Variants in EIF4ENIF1 observed in about 807,000 individuals in gnomAD.
EIF4ENIF1 encodes the protein eukaryotic translation initiation factor 4E transporter.
Under a neutral mutation model 110.5 loss-of-function variants are expected in EIF4ENIF1, and 23 were observed. The observed-to-expected ratio is 0.21, with a 90% CI of 0.15 to 0.29. The LOEUF (loss-of-function observed/expected upper bound fraction) is 0.29, where lower values mean the gene tolerates loss of function less well. Ranked by LOEUF, EIF4ENIF1 falls within the 10% of genes least tolerant of loss-of-function variation. EIF4ENIF1 has a pLI of 1.00. For synonymous variants in EIF4ENIF1, 440 were observed against 437.0 expected, an observed-to-expected ratio of 1.01 and a Z score of -0.09; for missense variants, 1,031 against 1,221.1, an observed-to-expected ratio of 0.84 and a Z score of 2.32.
At chr22:31,451,664 CTTT>C (rs554930183) in intron 10 of EIF4ENIF1, among the ~76,000 whole-genome samples, 13 of 139,372 alleles carry the variant, frequency 9.3e-5, no homozygotes, top group Non-Finnish European at 7.9e-5. Context: ...GTAGTGGTTA[CTTT>C]TTTTTTTTTT....
chr22:31,477,577 C>T (rs2051637352), intron 2 of EIF4ENIF1, among the ~76,000 whole-genome samples: 1 of 152,138 alleles, frequency 6.6e-6, no homozygotes, highest in South Asian at 2.1e-4. Context: ...GCTTAGCATA[C>T]ATAGGTGTGA....
chr22:31,463,555 G>A, intron 5 of EIF4ENIF1, 126 bp downstream of exon 5: 1 of 922,828 alleles, frequency 1.1e-6, no homozygotes, highest in Non-Finnish European at 1.6e-6. Context: ...GGTGGTGCGT[G>A]CCTATAATCC....
intron 11 of EIF4ENIF1, among the ~76,000 whole-genome samples, chr22:31,449,929 C>T (rs557844122): frequency 6.6e-6 from 1 of 152,164 alleles, no homozygotes; most frequent in African/African-American, 2.4e-5. Context: ...CAAGGTTTCA[C>T]CATGTTGGCC....
chr22:31,442,852 A>T, intron 16 of EIF4ENIF1, 110 bp downstream of exon 16: 2 of 1,371,472 alleles, frequency 1.5e-6, no homozygotes, highest in Non-Finnish European at 2.0e-6. Flanking sequence ...CAGAGAAGCT[A>T]GTGGTCTTGC....
downstream of EIF4ENIF1, chr22:31,439,275 A>T (rs2050222511): frequency 6.5e-6 from 1 of 152,914 alleles, no homozygotes; most frequent in Non-Finnish European, 1.5e-5. Context: ...GCACCACTGT[A>T]CTCCAGCCTG....
intron 4 of EIF4ENIF1, among the ~76,000 whole-genome samples, chr22:31,464,699 A>AAAAAATAT (rs1304121964): frequency 2.8e-4 from 11 of 39,122 alleles, no homozygotes; most frequent in South Asian, 8.6e-4. Flanking sequence ...AAAAAAAAAA[A>AAAAAATAT]ATATATATAT....
At chr22:31,468,506 T>C (rs1024262902) in intron 3 of EIF4ENIF1, among the ~76,000 whole-genome samples, 1 of 152,226 alleles carries the variant, frequency 6.6e-6, no homozygotes, top group Non-Finnish European at 1.5e-5. Context: ...GTGATTCTTC[T>C]GCCTCAGCCT....
intron 6 of EIF4ENIF1, 88 bp downstream of exon 6, chr22:31,462,844 A>T: frequency 7.1e-7 from 1 of 1,403,112 alleles, no homozygotes; most frequent in Non-Finnish European, 9.8e-7. Context: ...CGGCCTCCCA[A>T]AGTGTTGGGA....
chr22:31,449,824 G>A (rs769131989), intron 11 of EIF4ENIF1, among the ~76,000 whole-genome samples: 15 of 150,990 alleles, frequency 9.9e-5, no homozygotes, highest in Admixed American at 2.0e-4. Context: ...TCTGCCTACC[G>A]GGTTCAAGCG....
Position 31,449,385 on chromosome 22 carries a change from T to G in EIF4ENIF1, c.1731A>C (p.Ser577=). ...GTATTCTTGGGCGAAGGTAGTCAGCTGAGGCTGCTCGAGTTTGAAACACCT... is the reference window on the plus strand; with the variant it reads ...GTATTCTTGGGCGAAGGTAGTCAGCGGAGGCTGCTCGAGTTTGAAACACCT... ...LSQVFQTRAA[S]ADYLRPRIPS... The change falls in exon 12 of 19, where the codon TCA becomes TCC. Residue 577 remains serine (S), a synonymous_variant. Transcript: ENST00000330125. The G allele has an allele frequency of 1.9e-6, 3 of 1,614,180 alleles. No homozygotes were observed. The highest frequency in any genetic ancestry group is 2.5e-6 in the Non-Finnish European group (3 of 1,180,024).
chr22:31,487,026 T>C (rs1601664866), intron 2 of EIF4ENIF1, among the ~76,000 whole-genome samples: 2 of 151,272 alleles, frequency 1.3e-5, no homozygotes, highest in Admixed American at 1.3e-4. Context: ...GCAGAGGTGG[T>C]GCCATTGCAC....
Position 31,439,546 on chromosome 22 carries a change from C to T in EIF4ENIF1, c.*334G>A, listed in dbSNP as rs2050228306. On this transcript the variant is annotated 3_prime_UTR_variant, in exon 19 of 19. Transcript: ENST00000330125. ...ATACAAAAGTTGTTTATACACAGGT[C>T]TGTACATAAGGGTCTATACATTTAT... The T allele has an allele frequency of 3.7e-6, 1 of 271,904 alleles. No homozygotes were observed. The highest frequency in any genetic ancestry group is 7.0e-6 in the Non-Finnish European group (1 of 143,296). The allele number at this position is 271,904 out of a possible 1,614,324, so 16.8% of individuals were successfully genotyped here. A position where few individuals can be genotyped will look rare whatever the true frequency, so the allele number is the denominator to read the frequency against.
chr22:31,468,382 A>T (rs2051260613), intron 3 of EIF4ENIF1, 80 bp from the exon 4 acceptor site: 6 of 1,579,620 alleles, frequency 3.8e-6, no homozygotes, highest in Non-Finnish European at 5.2e-6. Flanking sequence ...CTCCTCAGCT[A>T]ATAGTTATGG....
At chr22:31,476,286 T>C (rs992098363) in intron 2 of EIF4ENIF1, among the ~76,000 whole-genome samples, 2 of 152,166 alleles carry the variant, frequency 1.3e-5, no homozygotes, top group African/African-American at 4.8e-5. Context: ...GGTGTTTTGT[T>C]TGAAACTTTT....
downstream of EIF4ENIF1, among the ~76,000 whole-genome samples, chr22:31,439,053 A>C (rs2145879182): frequency 6.6e-6 from 1 of 152,338 alleles, no homozygotes; most frequent in Admixed American, 6.5e-5. Flanking sequence ...TAACTTACTT[A>C]AACTTCAGAT....
intron 2 of EIF4ENIF1, among the ~76,000 whole-genome samples, chr22:31,479,084 A>AT (rs745430447): frequency 1.5e-3 from 216 of 144,294 alleles, no homozygotes; most frequent in East Asian, 1.6e-3. Flanking sequence ...CTCGAAAGAA[A>AT]TTTTTTTTTT....
In EIF4ENIF1 at chr22:31,468,228, C is replaced by A. The variant is rs2051254897; in HGVS notation, c.245G>T (p.Ser82Ile). 1 of 1,614,112 alleles carries A rather than the reference C, an allele frequency of 6.2e-7. No individual in the cohort carries two copies. Residue 82 changes from serine to isoleucine, a missense_variant, in exon 4 of 19, where the codon AGT becomes ATT. This residue lies in a region of EIF4ENIF1 where 704 missense variants were observed against 879.7 expected (regional missense o/e 0.80). Transcript: ENST00000330125. ...PASGRSSPVE[S>I]LKKELDTDRP... Reference sequence around the variant, plus strand: ...GTCTGTATCCAACTCTTTCTTCAGACTTTCCACTGGTGAGCTCCGCCCTGA... The same window carrying A: ...GTCTGTATCCAACTCTTTCTTCAGAATTTCCACTGGTGAGCTCCGCCCTGA...
chr22:31,490,340 T>C (rs1397913880), upstream of EIF4ENIF1, among the ~76,000 whole-genome samples: 1 of 152,218 alleles, frequency 6.6e-6, no homozygotes, highest in Non-Finnish European at 1.5e-5. Flanking sequence ...ATTGGGGTCT[T>C]CCGAGCCTTC....
intron 4 of EIF4ENIF1, among the ~76,000 whole-genome samples, 188 bp downstream of exon 4, chr22:31,467,987 T>TATA (rs2146016133): frequency 6.6e-6 from 1 of 152,296 alleles, no homozygotes; most frequent in African/African-American, 2.4e-5. Context: ...ACAGTCTTCT[T>TATA]ATATAGCTGT....
Sources: allele counts gnomAD v4.1 joint callset (sites outside exome capture counted in the v4.1 genomes callset), GRCh38; gene constraint gnomAD v4.1.1; regional missense constraint gnomAD v4.1.1; transcripts MANE v1.5; gene names NCBI Gene and HGNC (gene_info 2026-07-23, HGNC 2026-07-21).